TPD52L1: variants seen among roughly 807,000 people sequenced by gnomAD.
The protein encoded by TPD52L1 is tumor protein D53.
In TPD52L1, 18 loss-of-function variants were observed where a neutral mutation model predicts 28.7. The ratio of observed to expected loss-of-function variants is 0.63; its 90% CI spans 0.43 to 0.93. The LOEUF (loss-of-function observed/expected upper bound fraction) is 0.93, where lower values mean the gene tolerates loss of function less well. Among genes scored for constraint, TPD52L1 ranks in the 40% least tolerant of loss-of-function variants. The probability of loss-of-function intolerance (pLI) is 0.00; values close to 1 mark genes in which losing one functional copy is unlikely to be tolerated. For synonymous variants in TPD52L1, 75 were observed against 88.8 expected, an observed-to-expected ratio of 0.84 and a Z score of 0.88; for missense variants, 203 against 254.8, an observed-to-expected ratio of 0.80 and a Z score of 1.39.
At chr6:125,254,469 A>G (rs1443251490) in intron 5 of TPD52L1, among the ~76,000 whole-genome samples, 7 of 152,112 alleles carry the variant, frequency 4.6e-5, no homozygotes, top group African/African-American at 1.7e-4. Flanking sequence ...CAGCTTCATC[A>G]TATTTAAAAT....
At chr6:125,202,495 G>A (rs558286515) in intron 1 of TPD52L1, among the ~76,000 whole-genome samples, 37 of 152,176 alleles carry the variant, frequency 2.4e-4, no homozygotes, top group African/African-American at 7.5e-4. Flanking sequence ...TGGGTGCCTC[G>A]CAGCTACTCA....
chr6:125,220,064 A>T lies in TPD52L1; in HGVS notation c.20-14A>T. On this transcript the variant is annotated splice_polypyrimidine_tract_variant and intron_variant, in intron 1 of 6. Coordinates refer to ENST00000534000, the MANE Select transcript of TPD52L1 (RefSeq NM_003287.4). ...TTTAAAAATTGCCTTCTGTTTTATC[A>T]ATTCTGCCTAAAGGTTTGTTGGAGA... The T allele has an allele frequency of 6.3e-7, 1 of 1,597,338 alleles. No individual in the cohort carries two copies. The highest frequency in any genetic ancestry group is 8.6e-7 in the Non-Finnish European group (1 of 1,164,934).
rs573704864 is a variant in TPD52L1, at chr6:125,172,879, C to G, written c.19+18909C>G. On this transcript the variant is annotated intron_variant, in intron 1 of 6. Transcript: ENST00000534000. ...CTCCTGGTAAATGCTCCACTGAAAT[C>G]AACAGGTTTTTCCTACTGTCTTTCC... 1.9e-3 allele frequency among the ~76,000 whole-genome samples: 288 copies of G among 151,882 alleles called. 2 individuals carry two copies. Among genetic ancestry groups the G allele is most frequent in the Admixed American group, 2.8e-3 (43 of 15,218 alleles).
At chr6:125,187,362 G>A (rs965324287) in intron 1 of TPD52L1, among the ~76,000 whole-genome samples, 5 of 152,126 alleles carry the variant, frequency 3.3e-5, no homozygotes, top group African/African-American at 1.2e-4. Flanking sequence ...CACTCTTTTT[G>A]GAAAATAATC....
At chr6:125,181,272 A>G (rs1333836711) in intron 1 of TPD52L1, among the ~76,000 whole-genome samples, 6 of 152,212 alleles carry the variant, frequency 3.9e-5, no homozygotes, top group Admixed American at 1.3e-4. Context: ...GATGACTAAG[A>G]GGTCAGAACA....
chr6:125,208,960 G>A (rs912500945), intron 1 of TPD52L1: 80 of 985,194 alleles, frequency 8.1e-5, no homozygotes, highest in Non-Finnish European at 9.6e-5. Flanking sequence ...CCTGTGCTGA[G>A]CTGTTGAGGC....
rs756585757 is a variant in TPD52L1, at chr6:125,229,250, A to G, written c.268A>G (p.Met90Val). The G allele has an allele frequency of 3.1e-6, 5 of 1,613,202 alleles. No individual in the cohort carries two copies. Among genetic ancestry groups the G allele is most frequent in the East Asian group, 2.2e-5 (1 of 44,812 alleles). The change falls in exon 3 of 7, where the codon ATG becomes GTG. Residue 90 changes from methionine (M) to valine (V), a missense_variant. By Grantham distance (21) the Met-to-Val change is conservative. Coordinates refer to ENST00000534000, the MANE Select transcript of TPD52L1 (RefSeq NM_003287.4). ...KQNFSKSWHD[M>V]QTTTAYKKTH... Reference sequence around the variant, plus strand: ...GAACTTCAGCAAAAGCTGGCATGACATGCAGACTACCACTGCGTAAGTATC... The same window carrying G: ...GAACTTCAGCAAAAGCTGGCATGACGTGCAGACTACCACTGCGTAAGTATC...
chr6:125,186,040 C>G (rs148702882), intron 1 of TPD52L1, among the ~76,000 whole-genome samples: 1 of 151,732 alleles, frequency 6.6e-6, no homozygotes, highest in Non-Finnish European at 1.5e-5. Flanking sequence ...ATTATAGATG[C>G]GTGCCACCAC....
chr6:125,253,908 T>C (rs1313582790), intron 5 of TPD52L1, 153 bp downstream of exon 5: 2 of 826,290 alleles, frequency 2.4e-6, no homozygotes, highest in South Asian at 2.7e-5. Context: ...GTGGAAGAAT[T>C]GCGTAGCTTG....
intron 1 of TPD52L1, among the ~76,000 whole-genome samples, chr6:125,170,293 G>A (rs1002274996): frequency 2.6e-5 from 4 of 152,014 alleles, no homozygotes; most frequent in Admixed American, 6.5e-5. Context: ...CAAGGGGCAG[G>A]TATTGCCTAT....
At chr6:125,221,626 A>G (rs1795238799) in intron 2 of TPD52L1, among the ~76,000 whole-genome samples, 1 of 152,188 alleles carries the variant, frequency 6.6e-6, no homozygotes. Context: ...TTATTTTCTA[A>G]ATGTCAACAG....
intron 1 of TPD52L1, among the ~76,000 whole-genome samples, chr6:125,190,703 G>A (rs1028276843): frequency 6.6e-6 from 1 of 152,140 alleles, no homozygotes; most frequent in Non-Finnish European, 1.5e-5. Flanking sequence ...TCAGGCATTA[G>A]ATTTTCATAG....
intron 1 of TPD52L1, among the ~76,000 whole-genome samples, chr6:125,163,821 G>A (rs1790689289): frequency 1.3e-5 from 2 of 150,280 alleles, no homozygotes; most frequent in Non-Finnish European, 3.0e-5. Flanking sequence ...GGAGGCTGAA[G>A]CAGGAGAATC....
intron 1 of TPD52L1, among the ~76,000 whole-genome samples, chr6:125,184,937 G>T (rs1468577217): frequency 2.7e-5 from 4 of 150,316 alleles, no homozygotes; most frequent in Admixed American, 1.3e-4. Flanking sequence ...GAATGTGTTG[G>T]ATCAAAATAA....
At chr6:125,239,688 T>A (rs1796500837) in intron 3 of TPD52L1, among the ~76,000 whole-genome samples, 1 of 152,160 alleles carries the variant, frequency 6.6e-6, no homozygotes, top group Admixed American at 6.5e-5. Context: ...GGTTGTTTTG[T>A]TCTTGCTGAT....
chr6:125,260,998 G>GAAAAGA (rs1156977028), intron 6 of TPD52L1: 1 of 43,080 alleles, frequency 2.3e-5, no homozygotes, highest in Non-Finnish European at 4.1e-5. Flanking sequence ...AAGAAAGAAA[G>GAAAAGA]AAAGAAAGAA....
chr6:125,235,208 C>T (rs780577586), intron 3 of TPD52L1, among the ~76,000 whole-genome samples: 9 of 151,622 alleles, frequency 5.9e-5, no homozygotes, highest in Non-Finnish European at 1.3e-4. Flanking sequence ...GGATGGGGAC[C>T]TATCTTACTC....
intron 3 of TPD52L1, among the ~76,000 whole-genome samples, chr6:125,246,228 TAGTGGAATTCAGAGGC>T (rs1796914282): frequency 6.6e-6 from 1 of 152,190 alleles, no homozygotes. Context: ...TCAGATTCCC[TAGTGGAATTCAGAGGC>T]AGGTGGTTCA....
chr6:125,255,461 T>C (rs1211300132), intron 5 of TPD52L1, among the ~76,000 whole-genome samples: 6 of 152,182 alleles, frequency 3.9e-5, no homozygotes, highest in Non-Finnish European at 8.8e-5. Context: ...TCATAGGAAT[T>C]TGACTCGTGT....
Sources: allele counts gnomAD v4.1 joint callset (sites outside exome capture counted in the v4.1 genomes callset), GRCh38; gene constraint gnomAD v4.1.1; transcripts MANE v1.5; gene names NCBI Gene and HGNC (gene_info 2026-07-23, HGNC 2026-07-21).